Variants in MAGI2 observed in about 807,000 individuals in gnomAD.
MAGI2 encodes the protein membrane associated guanylate kinase, WW and PDZ domain containing 2.
MAGI2 carries 35 observed loss-of-function variants against 133.3 expected under a neutral mutation model. The ratio of observed to expected loss-of-function variants is 0.26; its 90% CI spans 0.20 to 0.35. MAGI2 has a LOEUF of 0.35. MAGI2 is among the 10% of genes least tolerant of loss of function. The pLI is 1.00. For missense variants in MAGI2, 1,636 were observed against 1,863.4 expected, an observed-to-expected ratio of 0.88 and a Z score of 2.25; for synonymous variants, 729 against 710.6, an observed-to-expected ratio of 1.03 and a Z score of -0.41.
chr7:79,352,107 T>C (rs796470240), intron 1 of MAGI2, among the ~76,000 whole-genome samples: 22 of 152,294 alleles, frequency 1.4e-4, no homozygotes, highest in African/African-American at 5.1e-4. Context: ...TGGTAAAGAA[T>C]AAATGAAGCA....
intron 2 of MAGI2, among the ~76,000 whole-genome samples, chr7:78,693,255 A>C (rs912004129): frequency 6.6e-6 from 1 of 152,166 alleles, no homozygotes; most frequent in African/African-American, 2.4e-5. Context: ...AAAGCACATA[A>C]TATAGTGCTG....
intron 2 of MAGI2, among the ~76,000 whole-genome samples, chr7:78,852,109 G>T (rs1355163254): frequency 6.6e-6 from 1 of 151,680 alleles, no homozygotes; most frequent in African/African-American, 2.4e-5. Flanking sequence ...TATTATTGGG[G>T]GTTTATTTGT....
At chr7:78,826,168 C>T (rs1790614014) in intron 2 of MAGI2, among the ~76,000 whole-genome samples, 1 of 151,564 alleles carries the variant, frequency 6.6e-6, no homozygotes. Context: ...CTGCCTAACA[C>T]GGTGAAACCC....
intron 2 of MAGI2, among the ~76,000 whole-genome samples, chr7:78,869,012 C>T (rs952759727): frequency 6.6e-6 from 1 of 152,306 alleles, no homozygotes; most frequent in Non-Finnish European, 1.5e-5. Context: ...CTCGGCCTCC[C>T]AAAGTGCTAG....
intron 3 of MAGI2, among the ~76,000 whole-genome samples, chr7:78,524,232 C>G (rs1017606865): frequency 6.6e-6 from 1 of 152,156 alleles, no homozygotes; most frequent in African/African-American, 2.4e-5. Flanking sequence ...GTAGAAAGAG[C>G]CTCTCCCTGC....
At chr7:79,102,187 G>A (rs1245433533) in intron 1 of MAGI2, among the ~76,000 whole-genome samples, 2 of 152,008 alleles carry the variant, frequency 1.3e-5, no homozygotes, top group African/African-American at 4.8e-5. Flanking sequence ...TGTTACATAG[G>A]TATATGTGCC....
Position 78,655,439 on chromosome 7 carries a change from A to C in MAGI2, c.419-28200T>G, listed in dbSNP as rs181772303. ...CAAAACAAAACAAAACAAAAAACAA[A>C]CAAAAAAAAACAACCAAAAAAAAAA... On this transcript the variant is annotated intron_variant, in intron 2 of 21. Transcript: ENST00000354212. 1.6e-3 allele frequency among the ~76,000 whole-genome samples: 216 copies of C among 135,760 alleles called. 3 individuals carry two copies. The highest frequency in any genetic ancestry group is 0.013 in the Admixed American group (161 of 12,370). The allele number at this position is 135,760 out of a possible 152,430, so 89.1% of individuals were successfully genotyped here.
chr7:78,240,824 A>G (rs2150905553), intron 10 of MAGI2, among the ~76,000 whole-genome samples: 1 of 152,358 alleles, frequency 6.6e-6, no homozygotes, highest in South Asian at 2.1e-4. Context: ...GAGATAATGC[A>G]TATATTAGCT....
chr7:79,383,685 G>C (rs867818876), intron 1 of MAGI2, among the ~76,000 whole-genome samples: 69 of 151,508 alleles, frequency 4.6e-4, no homozygotes, highest in African/African-American at 1.6e-3. Flanking sequence ...AGAATCCAAA[G>C]ACAGTTTAAT....
chr7:79,183,730 C>T (rs967590430), intron 1 of MAGI2, among the ~76,000 whole-genome samples: 6 of 151,834 alleles, frequency 4.0e-5, no homozygotes, highest in South Asian at 2.1e-4. Flanking sequence ...GAGACGGAAT[C>T]AACTTAAGTG....
chr7:78,598,734 G>A (rs964583116), intron 3 of MAGI2, among the ~76,000 whole-genome samples: 3 of 152,166 alleles, frequency 2.0e-5, no homozygotes, highest in Admixed American at 1.3e-4. Context: ...ACTGGAAACC[G>A]TAGACAGGTC....
intron 17 of MAGI2, among the ~76,000 whole-genome samples, chr7:78,133,462 G>A (rs1378116405): frequency 2.0e-5 from 3 of 152,164 alleles, no homozygotes; most frequent in Non-Finnish European, 4.4e-5. Flanking sequence ...CTTCCAAAGT[G>A]TGGATAAGGA....
At chr7:78,686,302 A>C (rs752263102) in intron 2 of MAGI2, among the ~76,000 whole-genome samples, 3 of 151,924 alleles carry the variant, frequency 2.0e-5, no homozygotes, top group Non-Finnish European at 4.4e-5. Context: ...CACTGCCATG[A>C]TTTTCTCTGA....
At chr7:79,122,945 T>C (rs890620220) in intron 1 of MAGI2, among the ~76,000 whole-genome samples, 1 of 152,022 alleles carries the variant, frequency 6.6e-6, no homozygotes, top group African/African-American at 2.4e-5. Flanking sequence ...AATATCTTTA[T>C]AAAATAGAGA....
At chr7:78,425,953 A>G (rs559889857) in intron 6 of MAGI2, among the ~76,000 whole-genome samples, 1 of 152,338 alleles carries the variant, frequency 6.6e-6, no homozygotes, top group South Asian at 2.1e-4. Context: ...AATAAAAAAA[A>G]TTGGAAAACA....
chr7:79,085,796 C>A (rs1370577625), intron 1 of MAGI2, among the ~76,000 whole-genome samples: 1 of 151,872 alleles, frequency 6.6e-6, no homozygotes, highest in Non-Finnish European at 1.5e-5. Flanking sequence ...TGCTTGGACA[C>A]AGATTTCCTT....
At chr7:78,418,626 T>C (rs1033007392) in intron 6 of MAGI2, among the ~76,000 whole-genome samples, 6 of 152,146 alleles carry the variant, frequency 3.9e-5, no homozygotes, top group Admixed American at 2.0e-4. Context: ...TAGCCACATG[T>C]GCCTAGCAGC....
At chr7:78,586,232 C>T (rs549311190) in intron 3 of MAGI2, among the ~76,000 whole-genome samples, 29 of 152,268 alleles carry the variant, frequency 1.9e-4, no homozygotes, top group African/African-American at 6.7e-4. Context: ...CTCTGGATAA[C>T]TGAAGAACTC....
At chr7:78,565,154 T>G (rs1584656534) in intron 3 of MAGI2, among the ~76,000 whole-genome samples, 1 of 151,806 alleles carries the variant, frequency 6.6e-6, no homozygotes, top group South Asian at 2.1e-4. Context: ...GTAGAATTGA[T>G]ATAATGGTTA....
Sources: allele counts gnomAD v4.1 joint callset (sites outside exome capture counted in the v4.1 genomes callset), GRCh38; gene constraint gnomAD v4.1.1; transcripts MANE v1.5; gene names NCBI Gene and HGNC (gene_info 2026-07-23, HGNC 2026-07-21).